Variants in GLRA1 observed in about 807,000 individuals in gnomAD.
GLRA1 encodes glycine receptor alpha 1, also known as glycine receptor subunit alpha-1.
In GLRA1, 37 loss-of-function variants were observed where a neutral mutation model predicts 48.3. That is an observed-to-expected ratio of 0.77 (90% CI 0.59 to 1.01). GLRA1 has a LOEUF of 1.01. Among genes scored for constraint, GLRA1 ranks in the 50% least tolerant of loss-of-function variants. The probability of loss-of-function intolerance (pLI) is 0.00; values close to 1 mark genes in which losing one functional copy is unlikely to be tolerated. For synonymous variants in GLRA1, 196 were observed against 210.7 expected, an observed-to-expected ratio of 0.93 and a Z score of 0.60; for missense variants, 427 against 571.0, an observed-to-expected ratio of 0.75 and a Z score of 2.57.
intron 3 of GLRA1, among the ~76,000 whole-genome samples, chr5:151,863,122 G>A (rs918091537): frequency 3.9e-5 from 6 of 152,188 alleles, no homozygotes; most frequent in African/African-American, 1.4e-4. Context: ...AAAGTTTTTG[G>A]TCAGGAGCGA....
At chr5:151,899,047 A>C (rs1322870492) in intron 1 of GLRA1, among the ~76,000 whole-genome samples, 1 of 152,022 alleles carries the variant, frequency 6.6e-6, no homozygotes, top group Non-Finnish European at 1.5e-5. Context: ...AGGGAGGGAG[A>C]GAAGAGAATG....
At chr5:151,886,880 G>T (rs1753921921) in intron 2 of GLRA1, 92 bp from the exon 3 acceptor site, 1 of 933,446 alleles carries the variant, frequency 1.1e-6, no homozygotes, top group Admixed American at 1.7e-5. Flanking sequence ...TTCTGGAATG[G>T]ATCGCCTTTG....
At chr5:151,894,940 C>G (rs1754192936) in intron 1 of GLRA1, among the ~76,000 whole-genome samples, 1 of 152,164 alleles carries the variant, frequency 6.6e-6, no homozygotes, top group Non-Finnish European at 1.5e-5. Context: ...GATCCTTACT[C>G]ATATCCTGGG....
At chr5:151,852,044 C>T (rs370769127) in intron 6 of GLRA1, among the ~76,000 whole-genome samples, 9 of 152,230 alleles carry the variant, frequency 5.9e-5, no homozygotes, top group African/African-American at 2.2e-4. Flanking sequence ...CTTGTAAAAC[C>T]TTTGGTCTCA....
intron 1 of GLRA1, among the ~76,000 whole-genome samples, chr5:151,901,610 G>A (rs1374650560): frequency 6.6e-6 from 1 of 152,220 alleles, no homozygotes; most frequent in African/African-American, 2.4e-5. Context: ...AGAGAATGGA[G>A]CCCAGGCTTT....
In GLRA1 at chr5:151,831,721, A is replaced by G. The variant is rs562881338; in HGVS notation, c.913-2654T>C. 4.6e-5 allele frequency among the ~76,000 whole-genome samples: 7 copies of G among 152,338 alleles called. 1 individual carries two copies. In the South Asian group the frequency reaches 1.4e-3, roughly 32 times the overall value. ...TGGGGGAAGGGACAGCTGTGGGAGC[A>G]GCTTCAGCAGACTTAAACGTTCCTG... On this transcript the variant is annotated intron_variant, in intron 7 of 8. Coordinates refer to ENST00000274576, the MANE Select transcript of GLRA1 (RefSeq NM_000171.4).
chr5:151,824,829 T>C (rs558131335), intron 8 of GLRA1, among the ~76,000 whole-genome samples: 1 of 152,338 alleles, frequency 6.6e-6, no homozygotes, highest in East Asian at 1.9e-4. Flanking sequence ...AAGTCTGTCA[T>C]GTTCACTGCA....
intron 2 of GLRA1, among the ~76,000 whole-genome samples, chr5:151,887,702 A>C (rs1286386170): frequency 6.6e-6 from 1 of 152,202 alleles, no homozygotes; most frequent in East Asian, 1.9e-4. Flanking sequence ...GTTTAGAGGA[A>C]GGAAGGGGCA....
At chr5:151,831,695 C>G (rs576332256) in intron 7 of GLRA1, among the ~76,000 whole-genome samples, 85 of 152,312 alleles carry the variant, frequency 5.6e-4, no homozygotes, top group East Asian at 3.9e-4. Context: ...GACAAAGCAC[C>G]TGGGGGAAGG....
At chr5:151,836,445 A>G (rs1427503063) in intron 7 of GLRA1, among the ~76,000 whole-genome samples, 1 of 152,230 alleles carries the variant, frequency 6.6e-6, no homozygotes, top group African/African-American at 2.4e-5. Flanking sequence ...TCACAGAATT[A>G]GAAAAAACTA....
At chr5:151,922,690 T>A (rs146048579) in intron 1 of GLRA1, among the ~76,000 whole-genome samples, 27 of 152,386 alleles carry the variant, frequency 1.8e-4, no homozygotes, top group African/African-American at 6.3e-4. Flanking sequence ...ATTAACACAG[T>A]GGATTCATAA....
At chr5:151,908,231 A>G (rs1301262402) in intron 1 of GLRA1, among the ~76,000 whole-genome samples, 1 of 152,228 alleles carries the variant, frequency 6.6e-6, no homozygotes, top group African/African-American at 2.4e-5. Context: ...AGTTAGTTGC[A>G]TGAAGAGAAA....
chr5:151,836,760 C>T (rs1581603478), intron 7 of GLRA1, among the ~76,000 whole-genome samples: 1 of 152,308 alleles, frequency 6.6e-6, no homozygotes, highest in East Asian at 1.9e-4. Context: ...AAAACTGAAA[C>T]TGCACCCCTT....
chr5:151,882,148 G>A (rs1428159), intron 3 of GLRA1, among the ~76,000 whole-genome samples: 90,141 of 152,018 alleles, frequency 0.59, 26,874 homozygotes, highest in East Asian at 0.69. Context: ...AATTCTCTGT[G>A]ATGAAAGGAG....
chr5:151,846,453 G>A (rs1031214850), intron 7 of GLRA1, among the ~76,000 whole-genome samples: 3 of 152,236 alleles, frequency 2.0e-5, no homozygotes, highest in Non-Finnish European at 4.4e-5. Context: ...AGAATGTGTT[G>A]TCAGGTGTTA....
chr5:151,866,350 G>C (rs1313694715), intron 3 of GLRA1, among the ~76,000 whole-genome samples: 1 of 152,146 alleles, frequency 6.6e-6, no homozygotes, highest in Non-Finnish European at 1.5e-5. Flanking sequence ...ACCTGAAGTT[G>C]GATCTGTCCC....
intron 4 of GLRA1, 90 bp from the exon 5 acceptor site, chr5:151,856,473 C>G: frequency 2.3e-6 from 2 of 855,692 alleles, no homozygotes; most frequent in East Asian, 5.0e-5. Flanking sequence ...AATCAGTTGC[C>G]CAGGATAGGG....
chr5:151,918,416 G>A (rs1042762910), intron 1 of GLRA1, among the ~76,000 whole-genome samples: 1 of 152,170 alleles, frequency 6.6e-6, no homozygotes, highest in Middle Eastern at 3.4e-3. Flanking sequence ...GTTTTTTTCT[G>A]GCTCATTCTG....
At chr5:151,857,747 T>A (rs1029638322) in intron 4 of GLRA1, among the ~76,000 whole-genome samples, 4 of 152,152 alleles carry the variant, frequency 2.6e-5, no homozygotes, top group African/African-American at 4.8e-5. Flanking sequence ...CTCAACAGAA[T>A]TTGAGGCCTG....
Sources: gnomAD v4.1 joint callset for allele counts (sites outside exome capture counted in the v4.1 genomes callset) on GRCh38, gnomAD v4.1.1 for gene constraint, MANE v1.5 for transcripts, NCBI Gene and HGNC (gene_info 2026-07-23, HGNC 2026-07-21) for gene names.